Variants in TMEM132B observed in about 807,000 individuals in gnomAD.
TMEM132B encodes transmembrane protein 132B.
A neutral mutation model predicts 90.8 loss-of-function variants in TMEM132B; 18 were observed. The ratio of observed to expected loss-of-function variants is 0.20; its 90% CI spans 0.14 to 0.29. The LOEUF (loss-of-function observed/expected upper bound fraction) is 0.29. Ranked by LOEUF, TMEM132B falls within the 10% of genes least tolerant of loss-of-function variation. The pLI is 1.00. For synonymous variants in TMEM132B, 504 were observed against 523.3 expected, an observed-to-expected ratio of 0.96 and a Z score of 0.50; for missense variants, 1,096 against 1,326.8, an observed-to-expected ratio of 0.83 and a Z score of 2.70.
intron 2 of TMEM132B, among the ~76,000 whole-genome samples, chr12:125,371,703 T>G (rs1878297365): frequency 6.6e-6 from 1 of 152,210 alleles, no homozygotes; most frequent in South Asian, 2.1e-4. Flanking sequence ...CTGGTTGACA[T>G]TTTGTCGACC....
chr12:125,231,181 T>TGCCTCTGTCTTC (rs1873812680), intron 1 of TMEM132B, among the ~76,000 whole-genome samples: 1 of 151,988 alleles, frequency 6.6e-6, no homozygotes, highest in South Asian at 2.1e-4. Context: ...CTCCTGTCTC[T>TGCCTCTGTCTTC]GCCTCTGTCT....
At position 125,415,386 on chromosome 12, in the gene TMEM132B, C is replaced by G; in HGVS notation, c.960-145C>G. On this transcript the variant is annotated intron_variant, in intron 2 of 8. Transcript: ENST00000682704. This position sits in a 1 kb window ranked among gnomAD's most constrained non-coding sequence, Gnocchi z 5.3. The stretch of plus-strand genomic sequence containing the variant: ...TAGTTTTTAAAGGAAAGCCACTTGC[C>G]ACCACTCTCCCCCACATCTCCCAGA... The G allele has an allele frequency of 9.5e-7, 1 of 1,048,040 alleles. No homozygotes were observed. The allele number at this position is 1,048,040 out of a possible 1,614,324, so 64.9% of individuals were successfully genotyped here.
intron 4 of TMEM132B, among the ~76,000 whole-genome samples, chr12:125,529,798 G>C (rs544319134): frequency 1.2e-4 from 19 of 152,346 alleles, no homozygotes; most frequent in Admixed American, 9.8e-4. Context: ...AACAGTGCTT[G>C]AATACATCTT....
At chr12:125,323,402 C>T (rs1206933598) in intron 1 of TMEM132B, among the ~76,000 whole-genome samples, 1 of 151,986 alleles carries the variant, frequency 6.6e-6, no homozygotes, top group Non-Finnish European at 1.5e-5. Flanking sequence ...CATCATTGCC[C>T]TCCAACCTGG....
chr12:125,323,048 T>C (rs1876472204), intron 1 of TMEM132B, among the ~76,000 whole-genome samples: 1 of 152,228 alleles, frequency 6.6e-6, no homozygotes, highest in South Asian at 2.1e-4. Flanking sequence ...TTTCAAGCAC[T>C]GTCCTTCCAC....
At chr12:125,315,326 G>A (rs992144087) in intron 1 of TMEM132B, among the ~76,000 whole-genome samples, 3 of 152,178 alleles carry the variant, frequency 2.0e-5, no homozygotes, top group African/African-American at 4.8e-5. Context: ...AGCCTCCCAA[G>A]TAGCTGGGAT....
chr12:125,421,129 G>T (rs1047817660), intron 3 of TMEM132B, among the ~76,000 whole-genome samples: 1 of 152,132 alleles, frequency 6.6e-6, no homozygotes, highest in Non-Finnish European at 1.5e-5. Context: ...ACATCTTCCT[G>T]TCCTCTTCTA....
Position 125,209,655 on chromosome 12 carries a change from C to T in TMEM132B, c.67+22789C>T, listed in dbSNP as rs745890353. Reference sequence around the variant, plus strand: ...GCCCAGATCACAGGCACCTCTTTGGCAGATGTGGAGTCTGAGTGGCTCAGA... The same window carrying T: ...GCCCAGATCACAGGCACCTCTTTGGTAGATGTGGAGTCTGAGTGGCTCAGA... On this transcript the variant is annotated intron_variant, in intron 1 of 8. Coordinates refer to ENST00000682704, the MANE Select transcript of TMEM132B (RefSeq NM_001366854.1). This position sits in a 1 kb window ranked among gnomAD's most constrained non-coding sequence, Gnocchi z 4.4. Among the ~76,000 whole-genome samples, 1 of 152,234 alleles carries T rather than the reference C, an allele frequency of 6.6e-6. No homozygotes were observed. The highest frequency in any genetic ancestry group is 1.5e-5 in the Non-Finnish European group (1 of 68,034).
chr12:125,626,896 G>A (rs1886246673), intron 5 of TMEM132B, among the ~76,000 whole-genome samples: 1 of 152,022 alleles, frequency 6.6e-6, no homozygotes, highest in Non-Finnish European at 1.5e-5. Flanking sequence ...TTTGAGCCCT[G>A]TTTTATCTCT....
At chr12:125,480,362 C>T (rs1232017461) in intron 3 of TMEM132B, among the ~76,000 whole-genome samples, 1 of 151,936 alleles carries the variant, frequency 6.6e-6, no homozygotes, top group African/African-American at 2.4e-5. Flanking sequence ...AGACCACTAG[C>T]AAGACTAATA....
intron 1 of TMEM132B, among the ~76,000 whole-genome samples, chr12:125,264,188 C>T (rs1005470207): frequency 7.2e-5 from 11 of 152,174 alleles, no homozygotes; most frequent in Admixed American, 1.3e-4. Flanking sequence ...CTGTCTCCAT[C>T]GTCACATCGC....
intron 1 of TMEM132B, among the ~76,000 whole-genome samples, chr12:125,238,380 AAAAAAAC>A (rs1565981376): frequency 6.8e-6 from 1 of 146,742 alleles, no homozygotes; most frequent in Non-Finnish European, 1.5e-5. Context: ...AAAAAAACAA[AAAAAAAC>A]CAAAAAAACA....
intron 1 of TMEM132B, among the ~76,000 whole-genome samples, chr12:125,245,260 G>A (rs767355): frequency 1.3e-5 from 2 of 148,324 alleles, no homozygotes; most frequent in African/African-American, 5.0e-5. Flanking sequence ...GTTCCCAGAT[G>A]CCCCCCCAGG....
rs1462476939 is a variant in TMEM132B, at chr12:125,238,376, ACAAAAAAAAAC to A, written c.67+51519_67+51529del. On this transcript the variant is annotated intron_variant, in intron 1 of 8. Coordinates refer to ENST00000682704, the MANE Select transcript of TMEM132B (RefSeq NM_001366854.1). ...TCAAAAAAAAAAAACCAAAAAAAAA[ACAAAAAAAAAC>A]CAAAAAAACAAAAACGCAGTCTCAG... Among the ~76,000 whole-genome samples the A allele has an allele frequency of 1.9e-3, 280 of 145,184 alleles. 6 individuals are homozygous for A. The highest frequency in any genetic ancestry group is 7.5e-3 in the South Asian group (35 of 4,674).
intron 5 of TMEM132B, among the ~76,000 whole-genome samples, chr12:125,616,108 G>T (rs1395893198): frequency 9.2e-6 from 1 of 109,162 alleles, no homozygotes; most frequent in East Asian, 2.6e-4. Flanking sequence ...CCCACAATAG[G>T]CCCCAGTGTG....
chr12:125,654,756 G>T lies in TMEM132B; in HGVS notation c.*46G>T. The T allele has an allele frequency of 6.4e-7, 1 of 1,571,082 alleles. No individual in the cohort carries two copies. The highest frequency in any genetic ancestry group is 8.6e-7 in the Non-Finnish European group (1 of 1,158,084). On this transcript the variant is annotated 3_prime_UTR_variant, in exon 9 of 9. Coordinates refer to ENST00000682704, the MANE Select transcript of TMEM132B (RefSeq NM_001366854.1). The surrounding 1 kb of genome is among the most constrained non-coding windows in gnomAD (Gnocchi z 5.8). ...TTCACCTTTATGCCTTCTGTTTTTT[G>T]AATGCTGGAGCAGTGAGTTTGATCA...
In TMEM132B at chr12:125,406,075, T is replaced by A. The variant is rs1181435229; in HGVS notation, c.960-9456T>A. ...TTCCTGAACTAATGAAGAACTAAGTTCTTCCACTGTGGGCTGTTTGGTTAA... is the reference window on the plus strand; with the variant it reads ...TTCCTGAACTAATGAAGAACTAAGTACTTCCACTGTGGGCTGTTTGGTTAA... On this transcript the variant is annotated intron_variant, in intron 2 of 8. Transcript: ENST00000682704. The surrounding 1 kb of genome is among the most constrained non-coding windows in gnomAD (Gnocchi z 8.3). 6.6e-6 allele frequency among the ~76,000 whole-genome samples: 1 copy of A among 152,246 alleles called. No homozygotes were observed. Among genetic ancestry groups the A allele is most frequent in the Non-Finnish European group, 1.5e-5 (1 of 68,042 alleles).
In TMEM132B at chr12:125,654,249, T is replaced by A; in HGVS notation, c.2791T>A (p.Tyr931Asn). 1 of 1,614,134 alleles carries A rather than the reference T, an allele frequency of 6.2e-7. No homozygotes were observed. Among genetic ancestry groups the A allele is most frequent in the Non-Finnish European group, 8.5e-7 (1 of 1,180,042 alleles). Reference protein sequence around the residue: ...LINCVAFAWKYRHKRFAVSEQ... With the variant: ...LINCVAFAWKNRHKRFAVSEQ... Reference sequence around the variant, plus strand: ...CAACTGCGTGGCGTTTGCCTGGAAATACAGACACAAAAGGTTTGCTGTGAG... The same window carrying A: ...CAACTGCGTGGCGTTTGCCTGGAAAAACAGACACAAAAGGTTTGCTGTGAG... Residue 931 changes from tyrosine (Y) to asparagine (N), a missense_variant, in exon 9 of 9, where the codon TAC (tyrosine) becomes AAC (asparagine). Transcript: ENST00000682704. This position sits in a 1 kb window ranked among gnomAD's most constrained non-coding sequence, Gnocchi z 5.8.
rs1162335332 is a variant in TMEM132B at position 125,408,237 on chromosome 12, T to G, written c.960-7294T>G. Among the ~76,000 whole-genome samples the G allele has an allele frequency of 1.3e-5, 2 of 152,174 alleles. No individual in the cohort carries two copies. Among genetic ancestry groups the G allele is most frequent in the Non-Finnish European group, 2.9e-5 (2 of 68,036 alleles). The stretch of plus-strand genomic sequence containing the variant: ...GTTACTGCTGTATAGTGTTCCACTG[T>G]GAGATGTTACGCTTTACCAGTTCCG... On this transcript the variant is annotated intron_variant, in intron 2 of 8. Coordinates refer to ENST00000682704, the MANE Select transcript of TMEM132B (RefSeq NM_001366854.1). This position sits in a 1 kb window ranked among gnomAD's most constrained non-coding sequence, Gnocchi z 5.9.
Sources: allele counts gnomAD v4.1 joint callset (sites outside exome capture counted in the v4.1 genomes callset), GRCh38; gene constraint gnomAD v4.1.1; non-coding constraint Gnocchi (gnomAD v3.1); transcripts MANE v1.5; gene names NCBI Gene and HGNC (gene_info 2026-07-23, HGNC 2026-07-21).